The following ADAMTS19 variants were observed in gnomAD, a reference collection of about 807,000 sequenced individuals.
ADAMTS19 encodes ADAM metallopeptidase with thrombospondin type 1 motif 19, also known as A disintegrin and metalloproteinase with thrombospondin motifs 19.
Under a neutral mutation model 153.3 loss-of-function variants are expected in ADAMTS19, and 93 were observed. The ratio of observed to expected loss-of-function variants is 0.61; its 90% CI spans 0.51 to 0.72. ADAMTS19 has a LOEUF of 0.72. ADAMTS19 is among the 30% of genes least tolerant of loss of function. The pLI, the probability that ADAMTS19 is intolerant of heterozygous loss-of-function variation, is 0.00. For missense variants in ADAMTS19, 1,482 were observed against 1,552.1 expected (o/e 0.95, Z 0.76); for synonymous variants, 600 against 556.6 (o/e 1.08, Z -1.10).
chr5:129,522,732 CATA>C (rs1452124640), intron 3 of ADAMTS19, among the ~76,000 whole-genome samples: 1 of 151,822 alleles, frequency 6.6e-6, no homozygotes, highest in Admixed American at 6.6e-5. Context: ...GCATAGAAGT[CATA>C]ATACAAAGGA....
chr5:129,564,407 A>T (rs1753632718), intron 7 of ADAMTS19, among the ~76,000 whole-genome samples: 1 of 152,216 alleles, frequency 6.6e-6, no homozygotes, highest in Non-Finnish European at 1.5e-5. Context: ...ATATTATTTC[A>T]TATTAATTGG....
At chr5:129,514,779 C>G (rs1381170745) in intron 3 of ADAMTS19, among the ~76,000 whole-genome samples, 1 of 151,990 alleles carries the variant, frequency 6.6e-6, no homozygotes, top group African/African-American at 2.4e-5. Context: ...CGTGCAGAAG[C>G]TTTTTAACTT....
intron 6 of ADAMTS19, among the ~76,000 whole-genome samples, chr5:129,551,262 A>AT (rs1288845215): frequency 6.6e-6 from 1 of 151,730 alleles, no homozygotes; most frequent in Non-Finnish European, 1.5e-5. Flanking sequence ...ATCCTGAATA[A>AT]TTGATAACAA....
intron 2 of ADAMTS19, among the ~76,000 whole-genome samples, chr5:129,464,860 T>G (rs1008148515): frequency 6.6e-6 from 1 of 152,248 alleles, no homozygotes; most frequent in Non-Finnish European, 1.5e-5. Flanking sequence ...AATAACAGTC[T>G]TATTTGAGTC....
At chr5:129,633,018 A>AT (rs1286936858) in intron 10 of ADAMTS19, among the ~76,000 whole-genome samples, 1 of 152,072 alleles carries the variant, frequency 6.6e-6, no homozygotes, top group Non-Finnish European at 1.5e-5. Context: ...AGTTACACAC[A>AT]TTAATTTTTT....
chr5:129,535,751 A>T (rs889419083), intron 6 of ADAMTS19, among the ~76,000 whole-genome samples: 1 of 152,180 alleles, frequency 6.6e-6, no homozygotes, highest in Non-Finnish European at 1.5e-5. Flanking sequence ...CCTCAGAAAT[A>T]ATGCCATATA....
chr5:129,541,960 C>G (rs867735808), intron 6 of ADAMTS19, among the ~76,000 whole-genome samples: 2 of 152,004 alleles, frequency 1.3e-5, no homozygotes, highest in Non-Finnish European at 2.9e-5. Context: ...AATAATAATG[C>G]TAGAAAACCT....
intron 10 of ADAMTS19, among the ~76,000 whole-genome samples, chr5:129,640,965 T>C (rs551012788): frequency 6.6e-6 from 1 of 152,162 alleles, no homozygotes; most frequent in Admixed American, 6.6e-5. Flanking sequence ...GCTGGGATTA[T>C]GGGTGTGCAC....
intron 6 of ADAMTS19, among the ~76,000 whole-genome samples, chr5:129,547,985 A>G (rs1342886464): frequency 6.6e-6 from 1 of 150,868 alleles, no homozygotes; most frequent in East Asian, 1.9e-4. Context: ...TAGAAAGCTG[A>G]AACTGGATCC....
intron 19 of ADAMTS19, among the ~76,000 whole-genome samples, chr5:129,698,183 C>T (rs2127154194): frequency 6.6e-6 from 1 of 152,282 alleles, no homozygotes; most frequent in Non-Finnish European, 1.5e-5. Context: ...TATTATCTCC[C>T]TTCCCTTGGA....
intron 2 of ADAMTS19, among the ~76,000 whole-genome samples, chr5:129,474,905 T>C (rs1178271833): frequency 6.6e-6 from 1 of 152,220 alleles, no homozygotes; most frequent in Admixed American, 6.5e-5. Context: ...GTGAAATGTC[T>C]ACTCAAAACT....
At chr5:129,569,897 C>T (rs572479586) in intron 7 of ADAMTS19, among the ~76,000 whole-genome samples, 1 of 152,024 alleles carries the variant, frequency 6.6e-6, no homozygotes, top group East Asian at 1.9e-4. Context: ...TAAGAATCTA[C>T]CTAAACTGGC....
At chr5:129,683,303 G>A (rs1220058989) in intron 17 of ADAMTS19, among the ~76,000 whole-genome samples, 4 of 151,974 alleles carry the variant, frequency 2.6e-5, no homozygotes, top group East Asian at 1.9e-4. Flanking sequence ...CCTGGCACTG[G>A]GAACCAGTAG....
In ADAMTS19 at chr5:129,460,484, T is replaced by C. The variant is rs761408818; in HGVS notation, c.91+2T>C. Reference sequence around the variant, plus strand: ...TCCTGTCGAATGGGATCGTTTCAGGTAAGTTCTTCCGTGACTTTCTCGCTT... The same window carrying C: ...TCCTGTCGAATGGGATCGTTTCAGGCAAGTTCTTCCGTGACTTTCTCGCTT... On this transcript the variant is annotated splice_donor_variant, in intron 1 of 22. Coordinates refer to ENST00000274487, the MANE Select transcript of ADAMTS19 (RefSeq NM_133638.6). LOFTEE classifies it high-confidence loss of function. The C allele has an allele frequency of 3.7e-6, 6 of 1,613,954 alleles. No individual in the cohort carries two copies. Among genetic ancestry groups the C allele is most frequent in the African/African-American group, 2.7e-5 (2 of 74,920 alleles).
intron 16 of ADAMTS19, among the ~76,000 whole-genome samples, chr5:129,674,785 C>A (rs1470700762): frequency 1.3e-5 from 2 of 152,036 alleles, no homozygotes; most frequent in East Asian, 3.8e-4. Context: ...AATCATTTTG[C>A]CTCAGTTAAT....
At chr5:129,474,695 C>T (rs1016906559) in intron 2 of ADAMTS19, among the ~76,000 whole-genome samples, 1 of 152,142 alleles carries the variant, frequency 6.6e-6, no homozygotes, top group Admixed American at 6.5e-5. Context: ...TCCTTTATAA[C>T]CATCTGGAGT....
chr5:129,574,241 G>A (rs1561578650), intron 7 of ADAMTS19, among the ~76,000 whole-genome samples: 1 of 151,972 alleles, frequency 6.6e-6, no homozygotes, highest in African/African-American at 2.4e-5. Flanking sequence ...AATTCTACCG[G>A]TGGGAAAACT....
intron 7 of ADAMTS19, among the ~76,000 whole-genome samples, chr5:129,591,127 C>T (rs989672829): frequency 6.6e-6 from 1 of 152,184 alleles, no homozygotes; most frequent in Non-Finnish European, 1.5e-5. Context: ...CTTTCCCTGG[C>T]TAACCCCTGC....
intron 2 of ADAMTS19, among the ~76,000 whole-genome samples, chr5:129,487,011 C>T (rs1350241292): frequency 6.6e-6 from 1 of 152,060 alleles, no homozygotes; most frequent in East Asian, 1.9e-4. Flanking sequence ...TCCTCTTACC[C>T]CCTTCCTGTC....
Sources: allele counts gnomAD v4.1 joint callset (sites outside exome capture counted in the v4.1 genomes callset), GRCh38; gene constraint gnomAD v4.1.1; transcripts MANE v1.5; gene names NCBI Gene and HGNC (gene_info 2026-07-23, HGNC 2026-07-21).